The following RXRB variants were observed in gnomAD, a reference collection of about 807,000 sequenced individuals.
RXRB encodes the protein retinoid X receptor beta, also known as retinoic acid receptor RXR-beta.
RXRB carries 18 observed loss-of-function variants against 52.5 expected under a neutral mutation model. The ratio of observed to expected loss-of-function variants is 0.34; its 90% CI spans 0.24 to 0.51. The LOEUF (loss-of-function observed/expected upper bound fraction) is 0.51. Among genes scored for constraint, RXRB ranks in the 20% least tolerant of loss-of-function variants. The pLI, the probability that RXRB is intolerant of heterozygous loss-of-function variation, is 0.97. For missense variants in RXRB, 455 were observed against 698.2 expected, an observed-to-expected ratio of 0.65 and a Z score of 3.92; for synonymous variants, 233 against 267.1, an observed-to-expected ratio of 0.87 and a Z score of 1.25.
rs766297085 is a variant in RXRB, at chr6:33,196,127, T to C, written c.994-91A>G. On this transcript the variant is annotated intron_variant, in intron 5 of 9. Coordinates refer to ENST00000374680, the MANE Select transcript of RXRB (RefSeq NM_021976.5). The surrounding 1 kb of genome is among the most constrained non-coding windows in gnomAD (Gnocchi z 4.0). ...GCTTTTGACACCCCCTCCTTACATA[T>C]AGTCTTCCTGTGAGCCCCATCCAAA... The C allele has an allele frequency of 5.3e-6, 8 of 1,521,598 alleles. No homozygotes were observed. The highest frequency in any genetic ancestry group is 7.2e-6 in the Non-Finnish European group (8 of 1,105,484). The allele number at this position is 1,521,598 out of a possible 1,614,324, so 94.3% of individuals were successfully genotyped here. A position where few individuals can be genotyped will look rare whatever the true frequency, so the allele number is the denominator to read the frequency against.
At position 33,199,326 on chromosome 6, in the gene RXRB, G is replaced by A; in HGVS notation, c.326C>T (p.Thr109Ile). 1 of 1,183,452 alleles carries A rather than the reference G, an allele frequency of 8.4e-7. No homozygotes were observed. Among genetic ancestry groups the A allele is most frequent in the African/African-American group, 1.6e-5 (1 of 62,360 alleles). The allele number at this position is 1,183,452 out of a possible 1,614,324, so 73.3% of individuals were successfully genotyped here. The change falls in exon 2 of 10, where the codon ACA becomes ATA. Residue 109 changes from threonine to isoleucine, a missense_variant. Physicochemically the swap from Thr to Ile is moderately conservative, Grantham distance 89. Coordinates refer to ENST00000374680, the MANE Select transcript of RXRB (RefSeq NM_021976.5). ...CCCAGAGCCTCCAAGGGATGGAGCT[G>A]TTGAAGGGGGTAGGGGTGGCCCAGG... ...SPPGPPLPPSTAPSLGGSGAP... is the reference protein window; with the variant it reads ...SPPGPPLPPSIAPSLGGSGAP...
At chr6:33,198,155 A>G (rs570800172) in intron 3 of RXRB, among the ~76,000 whole-genome samples, 153 bp downstream of exon 3, 20 of 152,082 alleles carry the variant, frequency 1.3e-4, no homozygotes, top group African/African-American at 3.1e-4. Context: ...CTTCCCCCCA[A>G]TCGCGTCCTA....
At position 33,199,194 on chromosome 6, in the gene RXRB, A is replaced by T. The variant is rs966027010; in HGVS notation, c.458T>A (p.Phe153Tyr). 7.7e-7 allele frequency: 1 copy of T among 1,294,552 alleles called. No homozygotes were observed. The highest frequency in any genetic ancestry group is 1.5e-5 in the African/African-American group (1 of 65,942). 80.2% of individuals were successfully genotyped at this position (1,294,552 alleles called of 1,614,324 possible). Residue 153 changes from phenylalanine (F) to tyrosine (Y), a missense_variant, in exon 2 of 10, where the codon TTC becomes TAC. This residue lies in a region of RXRB where 225 missense variants were observed against 258.6 expected (regional missense o/e 0.87). Coordinates refer to ENST00000374680, the MANE Select transcript of RXRB (RefSeq NM_021976.5). ...PGLPPPAPPG[F>Y]SGPVSSPQIN... ...CTGGGGGCTGCTGACAGGCCCGGAG[A>T]ATCCTGGGGGAGCTGGAGGGGGCAG...
At position 33,195,770 on chromosome 6, in the gene RXRB, A is replaced by T; in HGVS notation, c.1124-68T>A. 6.2e-7 allele frequency: 1 copy of T among 1,601,564 alleles called. No individual in the cohort carries two copies. The highest frequency in any genetic ancestry group is 1.1e-5 in the South Asian group (1 of 90,508). ...GGGATTCAAAGCACATCAGTGGAAGAGAAGGAGAAAAGAGGTGGCGAGGTC... is the reference window on the plus strand; with the variant it reads ...GGGATTCAAAGCACATCAGTGGAAGTGAAGGAGAAAAGAGGTGGCGAGGTC... On this transcript the variant is annotated intron_variant, in intron 6 of 9. Coordinates refer to ENST00000374680, the MANE Select transcript of RXRB (RefSeq NM_021976.5). The surrounding 1 kb of genome is among the most constrained non-coding windows in gnomAD (Gnocchi z 8.6).
Position 33,199,211 on chromosome 6 carries a change from A to T in RXRB, c.441T>A (p.Pro147=), listed in dbSNP as rs757423833. 2.6e-5 allele frequency: 31 copies of T among 1,213,184 alleles called. No individual in the cohort carries two copies. The highest frequency in any genetic ancestry group is 3.2e-5 in the Non-Finnish European group (31 of 974,718). 75.2% of individuals were successfully genotyped at this position (1,213,184 alleles called of 1,614,324 possible). A position where few individuals can be genotyped will look rare whatever the true frequency, so the allele number is the denominator to read the frequency against. ...GCCCGGAGAATCCTGGGGGAGCTGG[A>T]GGGGGCAGACCAGGGGACCCCATGG... ...SSSMGSPGLP[P]PAPPGFSGPV... The change falls in exon 2 of 10, where the codon CCT becomes CCA. Residue 147 remains proline, a synonymous_variant. Transcript: ENST00000374680.
At position 33,195,740 on chromosome 6, in the gene RXRB, G is replaced by A. The variant is rs1374247954; in HGVS notation, c.1124-38C>T. 6.2e-7 allele frequency: 1 copy of A among 1,607,850 alleles called. No individual in the cohort carries two copies. The highest frequency in any genetic ancestry group is 8.5e-7 in the Non-Finnish European group (1 of 1,179,118). On this transcript the variant is annotated intron_variant, in intron 6 of 9. Transcript: ENST00000374680. This position sits in a 1 kb window ranked among gnomAD's most constrained non-coding sequence, Gnocchi z 8.6. Reference sequence around the variant, plus strand: ...GCAAGGGTCAGGAGCCAGAAATCAGGCCAAGGGATTCAAAGCACATCAGTG... The same window carrying A: ...GCAAGGGTCAGGAGCCAGAAATCAGACCAAGGGATTCAAAGCACATCAGTG...
chr6:33,198,055 A>T, intron 3 of RXRB, 114 bp from the exon 4 acceptor site: 1 of 1,194,984 alleles, frequency 8.4e-7, no homozygotes, highest in Non-Finnish European at 1.2e-6. Context: ...TGCCAAATAC[A>T]GAGATAGGGA....
chr6:33,195,513 C>G lies in RXRB; in HGVS notation c.1256+57G>C. Reference sequence around the variant, plus strand: ...CAGCTCAGCCAGCCTTGGACACGGACCAGCCTATAGCCCCACCCCCTCTAT... The same window carrying G: ...CAGCTCAGCCAGCCTTGGACACGGAGCAGCCTATAGCCCCACCCCCTCTAT... On this transcript the variant is annotated intron_variant, in intron 7 of 9. Transcript: ENST00000374680. The surrounding 1 kb of genome is among the most constrained non-coding windows in gnomAD (Gnocchi z 8.6). 3.7e-6 allele frequency: 6 copies of G among 1,612,922 alleles called. No individual in the cohort carries two copies. The highest frequency in any genetic ancestry group is 5.1e-6 in the Non-Finnish European group (6 of 1,179,908).
rs1395606675 is a variant in RXRB, at chr6:33,194,575, C to A, written c.*107G>T. 3 of 1,225,298 alleles carry A rather than the reference C, an allele frequency of 2.4e-6. No homozygotes were observed. Among genetic ancestry groups the A allele is most frequent in the Non-Finnish European group, 3.4e-6 (3 of 882,378 alleles). 75.9% of individuals were successfully genotyped at this position (1,225,298 alleles called of 1,614,324 possible). On this transcript the variant is annotated 3_prime_UTR_variant, in exon 10 of 10. Coordinates refer to ENST00000374680, the MANE Select transcript of RXRB (RefSeq NM_021976.5). The surrounding 1 kb of genome is among the most constrained non-coding windows in gnomAD (Gnocchi z 4.1). The stretch of plus-strand genomic sequence containing the variant: ...TCTTGGTTCTGCCCTGTACTTCTCA[C>A]CCCATCAAGGTTCTGGGAACATGGC...
At position 33,197,624 on chromosome 6, in the gene RXRB, C is replaced by T. The variant is rs1323339163; in HGVS notation, c.820+138G>A. On this transcript the variant is annotated intron_variant, in intron 4 of 9. Coordinates refer to ENST00000374680, the MANE Select transcript of RXRB (RefSeq NM_021976.5). The surrounding 1 kb of genome is among the most constrained non-coding windows in gnomAD (Gnocchi z 4.4). Reference sequence around the variant, plus strand: ...CAGAACAGGGTAACAGGGAGGAGAGCTGCGAAGGGAGAGAGAAATCAAATA... The same window carrying T: ...CAGAACAGGGTAACAGGGAGGAGAGTTGCGAAGGGAGAGAGAAATCAAATA... The T allele has an allele frequency of 1.3e-6, 1 of 786,708 alleles. No individual in the cohort carries two copies. 48.7% of individuals were successfully genotyped at this position (786,708 alleles called of 1,614,324 possible).
At position 33,199,333 on chromosome 6, in the gene RXRB, G is replaced by C. The variant is rs1370102117; in HGVS notation, c.319C>G (p.Pro107Ala). Residue 107 changes from proline to alanine, a missense_variant, in exon 2 of 10, where the codon CCT becomes GCT. Physicochemically the swap from Pro to Ala is conservative, Grantham distance 27. Around this residue, in one of 4 missense-constraint regions of RXRB, gnomAD observed 225 missense variants for 258.6 expected, o/e 0.87. Transcript: ENST00000374680. ...CCTCCAAGGGATGGAGCTGTTGAAGGGGGTAGGGGTGGCCCAGGAGGAGAA... is the reference window on the plus strand; with the variant it reads ...CCTCCAAGGGATGGAGCTGTTGAAGCGGGTAGGGGTGGCCCAGGAGGAGAA... ...PPSPPGPPLP[P>A]STAPSLGGSG... The C allele has an allele frequency of 1.7e-6, 2 of 1,197,378 alleles. No homozygotes were observed. The highest frequency in any genetic ancestry group is 2.1e-6 in the Non-Finnish European group (2 of 942,722). 74.2% of individuals were successfully genotyped at this position (1,197,378 alleles called of 1,614,324 possible). A position where few individuals can be genotyped will look rare whatever the true frequency, so the allele number is the denominator to read the frequency against.
At chr6:33,198,745 G>C in intron 2 of RXRB, 1 of 568,134 alleles carries the variant, frequency 1.8e-6, no homozygotes, top group Non-Finnish European at 3.2e-6. Context: ...TAGATGAAAA[G>C]GACATCAAGA....
At chr6:33,199,762 G>C in intron 1 of RXRB, 1 of 443,436 alleles carries the variant, frequency 2.3e-6, no homozygotes, top group Non-Finnish European at 4.4e-6. Context: ...GAGGAGGATA[G>C]TTCAGGTGAG....
intron 3 of RXRB, 93 bp downstream of exon 3, chr6:33,198,215 T>C: frequency 6.4e-7 from 1 of 1,569,318 alleles, no homozygotes; most frequent in Non-Finnish European, 8.8e-7. Flanking sequence ...CCAGGTCACT[T>C]GCTCTGACCA....
chr6:33,197,701 C>G lies in RXRB; in HGVS notation c.820+61G>C, dbSNP rs1583414363. ...CCACCCTTCCAGAGAGGTACACAGT[C>G]TGAGTGGGATAAGGGAGAAGGGCAT... On this transcript the variant is annotated intron_variant, in intron 4 of 9. Transcript: ENST00000374680. This position sits in a 1 kb window ranked among gnomAD's most constrained non-coding sequence, Gnocchi z 4.4. 1.2e-5 allele frequency: 18 copies of G among 1,519,956 alleles called. No homozygotes were observed. The East Asian group carries it at 4.1e-4, about 34-fold the overall frequency. 94.2% of individuals were successfully genotyped at this position (1,519,956 alleles called of 1,614,324 possible).
At chr6:33,198,058 G>A (rs1774055884) in intron 3 of RXRB, 117 bp from the exon 4 acceptor site, 1 of 1,180,690 alleles carries the variant, frequency 8.5e-7, no homozygotes, top group Non-Finnish European at 1.2e-6. Flanking sequence ...CAAATACAGA[G>A]ATAGGGAACC....
At position 33,194,581 on chromosome 6, in the gene RXRB, CA is replaced by C. The variant is rs1773744942; in HGVS notation, c.*100del. 3.1e-6 allele frequency: 4 copies of C among 1,297,250 alleles called. No homozygotes were observed. The highest frequency in any genetic ancestry group is 3.0e-5 in the African/African-American group (2 of 67,668). The allele number at this position is 1,297,250 out of a possible 1,614,324, so 80.4% of individuals were successfully genotyped here. On this transcript the variant is annotated 3_prime_UTR_variant, in exon 10 of 10. Transcript: ENST00000374680. This position sits in a 1 kb window ranked among gnomAD's most constrained non-coding sequence, Gnocchi z 4.1. ...TTCTGCCCTGTACTTCTCACCCCAT[CA>C]AGGTTCTGGGAACATGGCCCCCCAC...
In RXRB at chr6:33,195,049, A is replaced by G; in HGVS notation, c.1350T>C (p.Asp450=). ...CLRAIILFNP[D]AKGLSNPSEV... is the part of the protein sequence containing the mutation. ...CACTAGGGTTGGAGAGGCCCTTGGC[A>G]TCTGGGATGGCAGGGAAGAGAGGAG... The change falls in exon 9 of 10, where the codon GAT becomes GAC. Residue 450 remains aspartate (D), a splice_region_variant and synonymous_variant. Transcript: ENST00000374680. This position sits in a 1 kb window ranked among gnomAD's most constrained non-coding sequence, Gnocchi z 8.6. The G allele has an allele frequency of 6.2e-7, 1 of 1,605,038 alleles. No homozygotes were observed. The highest frequency in any genetic ancestry group is 8.5e-7 in the Non-Finnish European group (1 of 1,172,902).
At position 33,199,176 on chromosome 6, in the gene RXRB, C is replaced by T; in HGVS notation, c.476G>A (p.Ser159Asn). 7.7e-7 allele frequency: 1 copy of T among 1,297,594 alleles called. No individual in the cohort carries two copies. Among genetic ancestry groups the T allele is most frequent in the Non-Finnish European group, 9.8e-7 (1 of 1,016,986 alleles). 80.4% of individuals were successfully genotyped at this position (1,297,594 alleles called of 1,614,324 possible). The change falls in exon 2 of 10, where the codon AGC becomes AAC. Residue 159 changes from serine (S) to asparagine (N), a missense_variant. Physicochemically the swap from Ser to Asn is conservative, Grantham distance 46. This residue lies in a region of RXRB where 225 missense variants were observed against 258.6 expected (regional missense o/e 0.87). Transcript: ENST00000374680. ...TTGGTCACAACCTCTCACCTGGGGG[C>T]TGCTGACAGGCCCGGAGAATCCTGG... ...APPGFSGPVS[S>N]PQINSTVSLP... is the part of the protein sequence containing the mutation.
Sources: gnomAD v4.1 joint callset for allele counts (sites outside exome capture counted in the v4.1 genomes callset) on GRCh38, gnomAD v4.1.1 for gene constraint, gnomAD v4.1.1 regional missense constraint, Gnocchi (gnomAD v3.1) non-coding constraint, MANE v1.5 for transcripts, NCBI Gene and HGNC (gene_info 2026-07-23, HGNC 2026-07-21) for gene names.